The following ASIC2 variants were observed in gnomAD, a reference collection of about 807,000 sequenced individuals.
The protein encoded by ASIC2 is acid-sensing ion channel 2.
In ASIC2, 25 loss-of-function variants were observed where a neutral mutation model predicts 57.3. The ratio of observed to expected loss-of-function variants is 0.44; its 90% CI spans 0.32 to 0.61. ASIC2 has a LOEUF of 0.61. Among genes scored for constraint, ASIC2 ranks in the 20% least tolerant of loss-of-function variants. The pLI, the probability that ASIC2 is intolerant of heterozygous loss-of-function variation, is 0.06. For synonymous variants in ASIC2, 319 were observed against 307.5 expected (o/e 1.04, Z -0.39); for missense variants, 641 against 738.1 (o/e 0.87, Z 1.52).
At chr17:34,050,048 A>G (rs1036945847) in intron 1 of ASIC2, among the ~76,000 whole-genome samples, 4 of 152,238 alleles carry the variant, frequency 2.6e-5, no homozygotes, top group Non-Finnish European at 5.9e-5. Context: ...TCAAATAAGC[A>G]AAGATACTGG....
intron 1 of ASIC2, among the ~76,000 whole-genome samples, chr17:34,105,133 A>C (rs1239531487): frequency 6.6e-6 from 1 of 152,046 alleles, no homozygotes; most frequent in Non-Finnish European, 1.5e-5. Context: ...ATAGTTATTC[A>C]GAATTTCTAT....
chr17:33,173,308 A>C (rs1255383706), intron 1 of ASIC2, among the ~76,000 whole-genome samples: 4 of 152,118 alleles, frequency 2.6e-5, no homozygotes, highest in Admixed American at 2.6e-4. Context: ...GGCAGCCTGA[A>C]TGTGTATGGA....
chr17:33,333,388 G>A (rs1342220092), intron 1 of ASIC2, among the ~76,000 whole-genome samples: 1 of 152,150 alleles, frequency 6.6e-6, no homozygotes, highest in Non-Finnish European at 1.5e-5. Context: ...AAGGCTGTGG[G>A]AAATCATGCA....
At chr17:33,836,607 C>A (rs1477110415) in intron 1 of ASIC2, among the ~76,000 whole-genome samples, 3 of 152,156 alleles carry the variant, frequency 2.0e-5, no homozygotes, top group Admixed American at 6.5e-5. Context: ...GTAATCCCAG[C>A]ACTCTGGGAG....
intron 1 of ASIC2, among the ~76,000 whole-genome samples, chr17:33,708,327 G>A (rs1039166638): frequency 5.9e-5 from 9 of 152,220 alleles, no homozygotes; most frequent in Middle Eastern, 6.3e-3. Flanking sequence ...GCTATGCAAA[G>A]TTAAATTTTA....
At chr17:33,128,473 A>T (rs2092333216) in intron 1 of ASIC2, among the ~76,000 whole-genome samples, 1 of 152,108 alleles carries the variant, frequency 6.6e-6, no homozygotes, top group Non-Finnish European at 1.5e-5. Flanking sequence ...TGCATGCAAG[A>T]GGTTTACTGG....
chr17:33,581,149 C>A (rs1211491483), intron 1 of ASIC2: 1 of 152,136 alleles, frequency 6.6e-6, no homozygotes, highest in Non-Finnish European at 1.5e-5. Flanking sequence ...CCCATGTGTT[C>A]TTAAAGGCAG....
At chr17:33,781,716 C>T (rs929441929) in intron 1 of ASIC2, among the ~76,000 whole-genome samples, 1 of 152,272 alleles carries the variant, frequency 6.6e-6, no homozygotes, top group South Asian at 2.1e-4. Context: ...TTTCCCCCAC[C>T]GCTGACAGTC....
At chr17:33,221,030 C>G (rs2142097494) in intron 1 of ASIC2, among the ~76,000 whole-genome samples, 1 of 152,234 alleles carries the variant, frequency 6.6e-6, no homozygotes, top group African/African-American at 2.4e-5. Flanking sequence ...TGACTTACAC[C>G]ATTGCACTCC....
intron 1 of ASIC2, among the ~76,000 whole-genome samples, chr17:33,553,194 G>T (rs1367678508): frequency 6.6e-6 from 1 of 152,166 alleles, no homozygotes; most frequent in African/African-American, 2.4e-5. Context: ...AAGGGTAGGG[G>T]TCTTCTCTGG....
At chr17:34,090,956 A>G (rs1364556915) in intron 1 of ASIC2, among the ~76,000 whole-genome samples, 1 of 152,224 alleles carries the variant, frequency 6.6e-6, no homozygotes, top group Non-Finnish European at 1.5e-5. Flanking sequence ...TTTGGGTGAC[A>G]TGTAAATACT....
At chr17:34,109,981 G>C (rs1911212719) in intron 1 of ASIC2, among the ~76,000 whole-genome samples, 1 of 140,536 alleles carries the variant, frequency 7.1e-6, no homozygotes, top group African/African-American at 3.1e-5. Flanking sequence ...AGAGAGAGAT[G>C]AGATGAGATG....
intron 1 of ASIC2, among the ~76,000 whole-genome samples, chr17:33,992,783 C>T (rs1906041231): frequency 1.3e-5 from 2 of 152,176 alleles, no homozygotes; most frequent in South Asian, 4.1e-4. Context: ...ACTATATCCC[C>T]ACTGCCAAGC....
chr17:33,519,147 C>T (rs897982862), intron 1 of ASIC2, among the ~76,000 whole-genome samples: 1 of 152,196 alleles, frequency 6.6e-6, no homozygotes, highest in African/African-American at 2.4e-5. Context: ...ATCATCATCC[C>T]ATTTTACAGA....
At chr17:34,020,838 T>C (rs12602899) in intron 1 of ASIC2, among the ~76,000 whole-genome samples, 99,679 of 152,066 alleles carry the variant, frequency 0.66, 34,446 homozygotes, top group African/African-American at 0.89. Context: ...GTGGAGCTCA[T>C]CCAGACTTCT....
At chr17:33,992,414 T>C (rs1339146624) in intron 1 of ASIC2, among the ~76,000 whole-genome samples, 1 of 152,196 alleles carries the variant, frequency 6.6e-6, no homozygotes, top group Non-Finnish European at 1.5e-5. Context: ...AATTCATTCA[T>C]CGAAACTCAG....
Position 33,702,218 on chromosome 17 carries a change from A to G in ASIC2, c.555+453760T>C, listed in dbSNP as rs139353582. Among the ~76,000 whole-genome samples the G allele has an allele frequency of 4.8e-3, 733 of 152,238 alleles. 5 individuals carry two copies. Among genetic ancestry groups the G allele is most frequent in the Admixed American group, 6.5e-3 (99 of 15,288 alleles). ...CTGTAAAATGGTGATACCTCTCCCA[A>G]TTGTTGTAAGGATCAAGTAACTTAG... On this transcript the variant is annotated intron_variant, in intron 1 of 9. Transcript: ENST00000359872.
At chr17:33,749,232 T>C (rs534058310) in intron 1 of ASIC2, among the ~76,000 whole-genome samples, 1 of 151,872 alleles carries the variant, frequency 6.6e-6, no homozygotes, top group East Asian at 1.9e-4. Context: ...TTCAGGACCC[T>C]TTCCCTCCCT....
intron 1 of ASIC2, among the ~76,000 whole-genome samples, chr17:33,586,723 A>T (rs1186977427): frequency 2.0e-5 from 3 of 152,118 alleles, no homozygotes; most frequent in African/African-American, 7.2e-5. Context: ...CTCATCTTAG[A>T]CCTGCCTTCT....
Sources: gnomAD v4.1 joint callset for allele counts (sites outside exome capture counted in the v4.1 genomes callset) on GRCh38, gnomAD v4.1.1 for gene constraint, MANE v1.5 for transcripts, NCBI Gene and HGNC (gene_info 2026-07-23, HGNC 2026-07-21) for gene names.